The following SGCZ variants were observed in gnomAD, a reference collection of about 807,000 sequenced individuals.
SGCZ encodes the protein sarcoglycan zeta, also known as zeta-sarcoglycan.
In SGCZ, 40 loss-of-function variants were observed where a neutral mutation model predicts 41.3. The observed-to-expected ratio is 0.97, with a 90% CI of 0.75 to 1.26. The LOEUF is 1.26. Ranked by LOEUF, SGCZ falls within the 50% of genes most tolerant of loss-of-function variation. SGCZ has a pLI of 0.00. For synonymous variants in SGCZ, 206 were observed against 137.5 expected (o/e 1.50, Z -3.49); for missense variants, 552 against 369.8 (o/e 1.49, Z -4.04).
chr8:15,046,754 T>C lies in SGCZ; in HGVS notation c.39+190831A>G, dbSNP rs763126010. Among the ~76,000 whole-genome samples, 89 of 152,026 alleles carry C rather than the reference T, an allele frequency of 5.9e-4. 2 individuals are homozygous for C. Among genetic ancestry groups the C allele is most frequent in the Non-Finnish European group, 1.8e-4 (12 of 67,954 alleles). On this transcript the variant is annotated intron_variant, in intron 1 of 7. Transcript: ENST00000382080. ...AAGATAAAGATGATATAGATGTGGATATAGTTACAGATATACAAATGTCTG... is the reference window on the plus strand; with the variant it reads ...AAGATAAAGATGATATAGATGTGGACATAGTTACAGATATACAAATGTCTG...
At chr8:14,488,032 T>G (rs1490925834) in intron 2 of SGCZ, among the ~76,000 whole-genome samples, 2 of 152,244 alleles carry the variant, frequency 1.3e-5, no homozygotes, top group Non-Finnish European at 2.9e-5. Flanking sequence ...AAAAACAACT[T>G]TTCTCCTCCT....
At chr8:15,018,550 G>T (rs1803129382) in intron 1 of SGCZ, among the ~76,000 whole-genome samples, 2 of 152,156 alleles carry the variant, frequency 1.3e-5, no homozygotes, top group African/African-American at 4.8e-5. Context: ...GCAGAGGGAA[G>T]AGCTGGTGCA....
At chr8:14,703,386 C>A (rs115394642) in intron 1 of SGCZ, among the ~76,000 whole-genome samples, 1 of 152,026 alleles carries the variant, frequency 6.6e-6, no homozygotes, top group African/African-American at 2.4e-5. Flanking sequence ...CACATATTTG[C>A]ACGACTTAGT....
chr8:15,173,416 G>C (rs778392336), intron 1 of SGCZ, among the ~76,000 whole-genome samples: 1 of 152,102 alleles, frequency 6.6e-6, no homozygotes, highest in Non-Finnish European at 1.5e-5. Context: ...ATGACTAAAT[G>C]AGACAGTTTC....
chr8:15,137,359 TG>T (rs1808150703), intron 1 of SGCZ, among the ~76,000 whole-genome samples: 1 of 152,198 alleles, frequency 6.6e-6, no homozygotes, highest in Non-Finnish European at 1.5e-5. Context: ...CCCCATTTTC[TG>T]GGGAGAAATT....
At chr8:14,800,215 A>G (rs1801278568) in intron 1 of SGCZ, among the ~76,000 whole-genome samples, 1 of 152,162 alleles carries the variant, frequency 6.6e-6, no homozygotes, top group Admixed American at 6.5e-5. Flanking sequence ...TGTGATCCTA[A>G]CACATGTGTT....
intron 1 of SGCZ, among the ~76,000 whole-genome samples, chr8:14,863,919 A>C (rs1803840027): frequency 6.6e-6 from 1 of 152,162 alleles, no homozygotes; most frequent in Non-Finnish European, 1.5e-5. Context: ...TCTTGCATGG[A>C]AGAAATGACC....
intron 1 of SGCZ, among the ~76,000 whole-genome samples, chr8:14,555,901 T>C (rs577527706): frequency 5.0e-4 from 76 of 152,182 alleles, no homozygotes; most frequent in African/African-American, 1.8e-3. Flanking sequence ...TGTATTTCAA[T>C]GAGTTATCAG....
At chr8:14,345,602 A>T (rs1246354466) in intron 2 of SGCZ, among the ~76,000 whole-genome samples, 2 of 152,144 alleles carry the variant, frequency 1.3e-5, no homozygotes, top group Admixed American at 6.5e-5. Flanking sequence ...AACGTGAGTT[A>T]AGCCTAAGTC....
At chr8:14,958,888 G>C (rs1324335721) in intron 1 of SGCZ, among the ~76,000 whole-genome samples, 1 of 152,004 alleles carries the variant, frequency 6.6e-6, no homozygotes, top group East Asian at 1.9e-4. Flanking sequence ...ATAAAACAAA[G>C]ATAGCCAAAC....
intron 1 of SGCZ, among the ~76,000 whole-genome samples, chr8:15,236,016 C>A (rs1467812174): frequency 6.6e-6 from 1 of 152,158 alleles, no homozygotes; most frequent in Non-Finnish European, 1.5e-5. Flanking sequence ...AAACTTCTAG[C>A]CCAGGCCAAG....
At chr8:14,599,823 C>CAAA (rs1255400362) in intron 1 of SGCZ, among the ~76,000 whole-genome samples, 2 of 152,180 alleles carry the variant, frequency 1.3e-5, no homozygotes, top group Non-Finnish European at 2.9e-5. Flanking sequence ...ATTTTATAAA[C>CAAA]ATGCAATATA....
At chr8:14,235,833 C>G (rs1461874582) in intron 4 of SGCZ, among the ~76,000 whole-genome samples, 1 of 152,114 alleles carries the variant, frequency 6.6e-6, no homozygotes, top group Non-Finnish European at 1.5e-5. Context: ...TACAGGCACA[C>G]ACCACCATGC....
rs117865354 is a variant in SGCZ, at chr8:14,995,928, G to C, written c.39+241657C>G. Among the ~76,000 whole-genome samples, 1,466 of 151,868 alleles carry C rather than the reference G, an allele frequency of 9.7e-3. 12 individuals carry two copies. Among genetic ancestry groups the C allele is most frequent in the South Asian group, 0.026 (125 of 4,814 alleles). ...TTTTCTTTGCTTTTTTTTTGAGATG[G>C]AATCTTGCTCTGTTGTCCGGGGTGG... On this transcript the variant is annotated intron_variant, in intron 1 of 7. Transcript: ENST00000382080.
chr8:14,487,476 GTGC>G (rs2117019292), intron 2 of SGCZ, among the ~76,000 whole-genome samples: 1 of 152,308 alleles, frequency 6.6e-6, no homozygotes, highest in South Asian at 2.1e-4. Flanking sequence ...TCACCTAGAT[GTGC>G]TGATTTGTGC....
chr8:14,241,304 T>C (rs1272355336), intron 3 of SGCZ, among the ~76,000 whole-genome samples: 1 of 151,672 alleles, frequency 6.6e-6, no homozygotes, highest in East Asian at 1.9e-4. Context: ...AGGAGAGAAA[T>C]CTATTTTGTT....
intron 3 of SGCZ, among the ~76,000 whole-genome samples, chr8:14,271,210 G>A (rs1008341606): frequency 3.4e-4 from 51 of 151,460 alleles, no homozygotes; most frequent in African/African-American, 9.9e-4. Context: ...AAAAAAAAAA[G>A]GAAATGATGT....
chr8:15,179,620 C>T (rs756716631), intron 1 of SGCZ, among the ~76,000 whole-genome samples: 6 of 152,106 alleles, frequency 3.9e-5, no homozygotes, highest in Non-Finnish European at 8.8e-5. Context: ...GCATGGTACA[C>T]AGTCATCAGT....
chr8:14,489,080 CT>C (rs148481512), intron 2 of SGCZ, among the ~76,000 whole-genome samples: 33,521 of 150,572 alleles, frequency 0.22, 3,829 homozygotes, highest in Admixed American at 0.27. Flanking sequence ...CAGAACGCAT[CT>C]TTTTTTTCAG....
Sources: gnomAD v4.1 joint callset for allele counts (sites outside exome capture counted in the v4.1 genomes callset) on GRCh38, gnomAD v4.1.1 for gene constraint, MANE v1.5 for transcripts, NCBI Gene and HGNC (gene_info 2026-07-23, HGNC 2026-07-21) for gene names.